Variants in GNAL observed in about 807,000 individuals in gnomAD.
The protein encoded by GNAL is G protein subunit alpha L, also known as guanine nucleotide-binding protein G(olf) subunit alpha.
In GNAL, 18 loss-of-function variants were observed where a neutral mutation model predicts 55.1. The observed-to-expected ratio is 0.33, with a 90% CI of 0.23 to 0.48. GNAL has a LOEUF of 0.48. Among genes scored for constraint, GNAL ranks in the 20% least tolerant of loss-of-function variants. The pLI is 0.99. For synonymous variants in GNAL, 253 were observed against 237.0 expected, an observed-to-expected ratio of 1.07 and a Z score of -0.62; for missense variants, 412 against 614.1, an observed-to-expected ratio of 0.67 and a Z score of 3.48.
At chr18:11,789,513 A>G (rs1322031558) in intron 4 of GNAL, among the ~76,000 whole-genome samples, 2 of 152,230 alleles carry the variant, frequency 1.3e-5, no homozygotes, top group Non-Finnish European at 2.9e-5. Flanking sequence ...CCATGTGCAT[A>G]TAACTTAAGG....
rs1360720376 is a variant in GNAL at position 11,721,258 on chromosome 18, T to C, written c.376+31319T>C. On this transcript the variant is annotated intron_variant, in intron 1 of 11. Transcript: ENST00000334049. ...CAAAAACTCATGACAGATTCAAACA[T>C]TGTCCGCAGAGCACTTGCTAGCGAT... 2.0e-5 allele frequency among the ~76,000 whole-genome samples: 3 copies of C among 152,204 alleles called. No individual in the cohort carries two copies. The East Asian group carries it at 5.8e-4, about 29-fold the overall frequency.
At chr18:11,725,912 G>T (rs986914028) in intron 1 of GNAL, among the ~76,000 whole-genome samples, 1 of 152,222 alleles carries the variant, frequency 6.6e-6, no homozygotes, top group African/African-American at 2.4e-5. Context: ...GAGAGTTCCT[G>T]TTCCTCCACA....
intron 5 of GNAL, chr18:11,851,447 C>A (rs534165146): frequency 2.0e-5 from 29 of 1,465,696 alleles, no homozygotes; most frequent in African/African-American, 7.1e-5. Context: ...AGCGGACTTA[C>A]CTTACCTTCT....
intron 1 of GNAL, among the ~76,000 whole-genome samples, chr18:11,732,917 A>G (rs1203216238): frequency 6.6e-6 from 1 of 152,258 alleles, no homozygotes; most frequent in Non-Finnish European, 1.5e-5. Context: ...GCGGGAACAC[A>G]GGAGTGGGTA....
At chr18:11,860,828 G>A (rs1245513578) in intron 5 of GNAL, among the ~76,000 whole-genome samples, 1 of 152,188 alleles carries the variant, frequency 6.6e-6, no homozygotes, top group East Asian at 1.9e-4. Flanking sequence ...CGTTTCTTAG[G>A]GAAGATTTCA....
intron 5 of GNAL, among the ~76,000 whole-genome samples, chr18:11,837,642 T>C (rs996893474): frequency 6.6e-6 from 1 of 152,182 alleles, no homozygotes; most frequent in Non-Finnish European, 1.5e-5. Context: ...GTGAAGAAAT[T>C]GGGATCCTCA....
chr18:11,817,852 G>T (rs1329679916), intron 4 of GNAL, among the ~76,000 whole-genome samples: 1 of 151,858 alleles, frequency 6.6e-6, no homozygotes, highest in Admixed American at 6.6e-5. Flanking sequence ...GCCTCCCAAA[G>T]TGTCGGTATT....
In GNAL at chr18:11,751,438, G is replaced by A. The variant is rs2032822676; in HGVS notation, c.377-1415G>A. 2.3e-6 allele frequency: 2 copies of A among 876,328 alleles called. No homozygotes were observed. The highest frequency in any genetic ancestry group is 3.6e-5 in the African/African-American group (2 of 55,302). 54.3% of individuals were successfully genotyped at this position (876,328 alleles called of 1,614,324 possible). On this transcript the variant is annotated intron_variant, in intron 1 of 11. Transcript: ENST00000334049. This position sits in a 1 kb window ranked among gnomAD's most constrained non-coding sequence, Gnocchi z 4.5. ...ACGGGGGCTGGAGGTAAAGACAGGA[G>A]GCTCGGGAGGCGGCGACGTGGGCGA...
In GNAL at chr18:11,772,928, C is replaced by G. The variant is rs73399831; in HGVS notation, c.624+18983C>G. ...CCCTTACATCCCTGTCCTGCGAAGA[C>G]AGCATTGCCATCGAGTGGTAGGTAT... is the stretch of plus-strand genomic sequence containing the variant. On this transcript the variant is annotated intron_variant, in intron 4 of 11. Transcript: ENST00000334049. 5.9e-5 allele frequency among the ~76,000 whole-genome samples: 9 copies of G among 152,326 alleles called. No homozygotes were observed. In the East Asian group the frequency reaches 1.7e-3, roughly 29 times the overall value.
intron 1 of GNAL, among the ~76,000 whole-genome samples, chr18:11,734,449 C>T (rs1835232499): frequency 1.3e-5 from 2 of 151,496 alleles, no homozygotes; most frequent in South Asian, 4.2e-4. Context: ...TGTAGATTTT[C>T]TTTACAGGAC....
intron 5 of GNAL, among the ~76,000 whole-genome samples, chr18:11,846,166 G>T (rs371285538): frequency 5.9e-5 from 9 of 152,038 alleles, no homozygotes; most frequent in Admixed American, 4.6e-4. Flanking sequence ...TCTCAAAGTG[G>T]TAAGTTGTTC....
At chr18:11,824,268 G>GT (rs1383254372) in intron 4 of GNAL, among the ~76,000 whole-genome samples, 1 of 17,636 alleles carries the variant, frequency 5.7e-5, no homozygotes, top group Non-Finnish European at 2.9e-4. Context: ...GAGATGGGGG[G>GT]GGGGTTCAAT....
rs397941591 is a variant in GNAL, at chr18:11,790,661, CT to C, written c.625-34242del. Reference sequence around the variant, plus strand: ...CTTTTCTTTTCTTTTCTTTTTTTTTCTTTTTTTTTTTTTTTGAGACAGTCTT... The same window carrying C: ...CTTTTCTTTTCTTTTCTTTTTTTTTCTTTTTTTTTTTTTTGAGACAGTCTT... On this transcript the variant is annotated intron_variant, in intron 4 of 11. Transcript: ENST00000334049. Among the ~76,000 whole-genome samples the C allele has an allele frequency of 2.1e-4, 15 of 71,458 alleles. No homozygotes were observed. In the South Asian group the frequency reaches 3.7e-3, roughly 18 times the overall value. The allele number at this position is 71,458 out of a possible 152,430, so 46.9% of individuals were successfully genotyped here.
chr18:11,830,723 C>T (rs1192867009), intron 5 of GNAL, among the ~76,000 whole-genome samples: 2 of 151,996 alleles, frequency 1.3e-5, no homozygotes, highest in African/African-American at 2.4e-5. Context: ...TGAAAACAAC[C>T]GAAATGTTCA....
At chr18:11,710,256 T>C (rs999375417) in intron 1 of GNAL, among the ~76,000 whole-genome samples, 1 of 152,224 alleles carries the variant, frequency 6.6e-6, no homozygotes, top group African/African-American at 2.4e-5. Flanking sequence ...TTTCTTGTAG[T>C]GCCTTCATCT....
intron 5 of GNAL, among the ~76,000 whole-genome samples, chr18:11,844,827 C>T (rs916741054): frequency 2.0e-5 from 3 of 152,156 alleles, no homozygotes; most frequent in Non-Finnish European, 4.4e-5. Flanking sequence ...TTTGTACATT[C>T]GCCATTTTTA....
chr18:11,885,656 AAAAT>A lies in GNAL; in HGVS notation c.*4525_*4528del. ...AAATACTTATGAAAGCTTTCAGACA[AAAAT>A]AAACTTTCACGTTACCATGATGAAA... On this transcript the variant is annotated 3_prime_UTR_variant, in exon 12 of 12. Coordinates refer to ENST00000334049, the MANE Select transcript of GNAL (RefSeq NM_182978.4). 6.2e-7 allele frequency: 1 copy of A among 1,602,272 alleles called. No individual in the cohort carries two copies. Among genetic ancestry groups the A allele is most frequent in the South Asian group, 1.1e-5 (1 of 90,690 alleles).
intron 1 of GNAL, among the ~76,000 whole-genome samples, chr18:11,750,176 T>G (rs1301474504): frequency 6.6e-6 from 1 of 151,944 alleles, no homozygotes; most frequent in Non-Finnish European, 1.5e-5. Flanking sequence ...TGTAAGAAAA[T>G]GGAATCTGGC....
intron 1 of GNAL, among the ~76,000 whole-genome samples, chr18:11,717,924 C>T (rs1300472847): frequency 6.6e-6 from 1 of 152,140 alleles, no homozygotes; most frequent in Non-Finnish European, 1.5e-5. Context: ...TGCACATGTA[C>T]CTCTGAACCT....
Sources: allele counts gnomAD v4.1 joint callset (sites outside exome capture counted in the v4.1 genomes callset), GRCh38; gene constraint gnomAD v4.1.1; non-coding constraint Gnocchi (gnomAD v3.1); transcripts MANE v1.5; gene names NCBI Gene and HGNC (gene_info 2026-07-23, HGNC 2026-07-21).